The following TMPRSS15 variants were observed in gnomAD, a reference collection of about 807,000 sequenced individuals.
The protein encoded by TMPRSS15 is transmembrane serine protease 15.
A neutral mutation model predicts 125.3 loss-of-function variants in TMPRSS15; 128 were observed. The observed-to-expected ratio is 1.02, with a 90% confidence interval of 0.89 to 1.18. The LOEUF (loss-of-function observed/expected upper bound fraction) is 1.18. Among genes scored for constraint, TMPRSS15 ranks in the 50% most tolerant of loss-of-function variants. The probability of loss-of-function intolerance (pLI) is 0.00; values close to 1 mark genes in which losing one functional copy is unlikely to be tolerated. For missense variants in TMPRSS15, 1,283 were observed against 1,212.7 expected, an observed-to-expected ratio of 1.06 and a Z score of -0.86; for synonymous variants, 446 against 423.2, an observed-to-expected ratio of 1.05 and a Z score of -0.66.
At chr21:18,278,924 GTTT>G (rs59972471) in intron 23 of TMPRSS15, 37 bp downstream of exon 23, 5,105 of 436,434 alleles carry the variant, frequency 0.012, 18 homozygotes, top group African/African-American at 0.052. Flanking sequence ...CACCAGTAAG[GTTT>G]TTTTTTTTTT....
chr21:18,447,432 T>A (rs1316507807), intron 1 of TMPRSS15, among the ~76,000 whole-genome samples: 2 of 76,686 alleles, frequency 2.6e-5, no homozygotes, highest in Non-Finnish European at 5.4e-5. Context: ...AGAGTAAGAC[T>A]TCAACTCAAA....
At chr21:18,368,412 C>T (rs190285911) in intron 6 of TMPRSS15, among the ~76,000 whole-genome samples, 97 of 152,268 alleles carry the variant, frequency 6.4e-4, no homozygotes, top group Non-Finnish European at 1.9e-4. Context: ...GGCCGATGAA[C>T]GATTGTAAAA....
chr21:18,450,390 G>T (rs949759407), intron 1 of TMPRSS15, among the ~76,000 whole-genome samples: 2 of 152,116 alleles, frequency 1.3e-5, no homozygotes, highest in East Asian at 3.9e-4. Context: ...TTCACATGGC[G>T]ATTTCCTATG....
At chr21:18,341,593 T>C in intron 12 of TMPRSS15, 45 bp from the exon 13 acceptor site, 1 of 1,608,380 alleles carries the variant, frequency 6.2e-7, no homozygotes, top group Non-Finnish European at 8.5e-7. Context: ...TCCATTCTAA[T>C]CTTCTCTGAC....
chr21:18,375,075 G>A (rs2075830166), intron 5 of TMPRSS15, among the ~76,000 whole-genome samples: 1 of 152,202 alleles, frequency 6.6e-6, no homozygotes, highest in African/African-American at 2.4e-5. Flanking sequence ...ATTGTTTTAA[G>A]TTGCACTCTG....
At chr21:18,311,671 A>G (rs2075102555) in intron 18 of TMPRSS15, among the ~76,000 whole-genome samples, 1 of 152,186 alleles carries the variant, frequency 6.6e-6, no homozygotes, top group Admixed American at 6.5e-5. Context: ...TATTCAGAAC[A>G]TTATGGAAGT....
chr21:18,302,135 A>C (rs1309927197), intron 18 of TMPRSS15, among the ~76,000 whole-genome samples: 1 of 152,202 alleles, frequency 6.6e-6, no homozygotes, highest in Admixed American at 6.5e-5. Context: ...ACTAAAGCTA[A>C]AAAGAATAAT....
In TMPRSS15 at chr21:18,429,535, G is replaced by C. The variant is rs143201269; in HGVS notation, c.11-31206C>G. Among the ~76,000 whole-genome samples the C allele has an allele frequency of 2.9e-3, 442 of 152,294 alleles. 8 individuals are homozygous for C. The highest frequency in any genetic ancestry group is 9.0e-4 in the Non-Finnish European group (61 of 68,022). On this transcript the variant is annotated intron_variant, in intron 1 of 7. Coordinates refer to the TMPRSS15 transcript ENST00000422787. ...GCAGTTTCTCCCATACTGTTCTTATGGTAGTGAATAAATTTCATGAGATCT... is the reference window on the plus strand; with the variant it reads ...GCAGTTTCTCCCATACTGTTCTTATCGTAGTGAATAAATTTCATGAGATCT...
At chr21:18,471,043 T>A (rs1221272281) in intron 1 of TMPRSS15, among the ~76,000 whole-genome samples, 1 of 152,008 alleles carries the variant, frequency 6.6e-6, no homozygotes, top group Non-Finnish European at 1.5e-5. Flanking sequence ...ATATGAAAGA[T>A]GTCACTGAAA....
chr21:18,297,238 G>A (rs569401166), intron 19 of TMPRSS15, among the ~76,000 whole-genome samples: 2 of 152,278 alleles, frequency 1.3e-5, no homozygotes, highest in African/African-American at 4.8e-5. Context: ...AAGAGAATAT[G>A]TAGACACGAT....
chr21:18,437,167 G>A (rs1334345181), intron 1 of TMPRSS15, among the ~76,000 whole-genome samples: 20 of 149,994 alleles, frequency 1.3e-4, no homozygotes, highest in East Asian at 4.0e-4. Context: ...CAGAGATAAC[G>A]CCGCATATCT....
intron 1 of TMPRSS15, among the ~76,000 whole-genome samples, chr21:18,398,944 T>C (rs2076068320): frequency 1.3e-5 from 2 of 152,000 alleles, no homozygotes; most frequent in South Asian, 4.2e-4. Flanking sequence ...AGAAAATAGA[T>C]AACCTCACTA....
intron 1 of TMPRSS15, among the ~76,000 whole-genome samples, chr21:18,461,645 A>T (rs2122952689): frequency 1.1e-3 from 173 of 152,294 alleles, no homozygotes; most frequent in Non-Finnish European, 1.8e-3. Flanking sequence ...ATTTTATGGA[A>T]TAGTTTATGA....
intron 6 of TMPRSS15, among the ~76,000 whole-genome samples, chr21:18,367,600 C>A (rs541306004): frequency 6.6e-6 from 1 of 152,240 alleles, no homozygotes; most frequent in African/African-American, 2.4e-5. Flanking sequence ...GTAGTAAAGT[C>A]TACTGCTATT....
At chr21:18,479,190 A>C (rs542868976) in intron 1 of TMPRSS15, among the ~76,000 whole-genome samples, 102 of 152,110 alleles carry the variant, frequency 6.7e-4, no homozygotes, top group African/African-American at 2.4e-3. Context: ...TTCTTTCTGC[A>C]TAATACTTTC....
At chr21:18,370,205 C>T (rs2075778874) in intron 6 of TMPRSS15, among the ~76,000 whole-genome samples, 1 of 152,016 alleles carries the variant, frequency 6.6e-6, no homozygotes, top group African/African-American at 2.4e-5. Flanking sequence ...AAAAATGATT[C>T]ATAGCATTAA....
intron 21 of TMPRSS15, among the ~76,000 whole-genome samples, chr21:18,290,995 T>C (rs571836901): frequency 1.3e-5 from 2 of 152,358 alleles, no homozygotes; most frequent in South Asian, 4.1e-4. Context: ...TTTCATAAAA[T>C]AAATATGTTG....
chr21:18,363,946 G>A (rs1057045504), intron 7 of TMPRSS15, among the ~76,000 whole-genome samples: 1 of 151,844 alleles, frequency 6.6e-6, no homozygotes, highest in Non-Finnish European at 1.5e-5. Context: ...ATCTCTCAAG[G>A]GGCTGCACTC....
chr21:18,481,535 C>T (rs964952365), intron 1 of TMPRSS15, among the ~76,000 whole-genome samples: 1 of 151,622 alleles, frequency 6.6e-6, no homozygotes, highest in Non-Finnish European at 1.5e-5. Context: ...GGGCATTGCA[C>T]GTTAAACTTT....
Sources: gnomAD v4.1 joint callset for allele counts (sites outside exome capture counted in the v4.1 genomes callset) on GRCh38, gnomAD v4.1.1 for gene constraint, MANE v1.5 for transcripts, NCBI Gene and HGNC (gene_info 2026-07-23, HGNC 2026-07-21) for gene names.